SETD1B: variants seen among roughly 807,000 people sequenced by gnomAD.
The protein encoded by SETD1B is histone-lysine N-methyltransferase SETD1B.
A neutral mutation model predicts 148.0 loss-of-function variants in SETD1B; 7 were observed. The observed-to-expected ratio is 0.05, with a 90% CI of 0.03 to 0.09. The LOEUF (loss-of-function observed/expected upper bound fraction) is 0.09, where lower values mean the gene tolerates loss of function less well. Among genes scored for constraint, SETD1B ranks in the 10% least tolerant of loss-of-function variants. SETD1B has a pLI of 1.00. For synonymous variants in SETD1B, 1,361 were observed against 1,186.5 expected, an observed-to-expected ratio of 1.15 and a Z score of -3.02; for missense variants, 2,155 against 2,729.9, an observed-to-expected ratio of 0.79 and a Z score of 4.69.
intron 16 of SETD1B, among the ~76,000 whole-genome samples, chr12:121,829,111 C>T (rs1008064975): frequency 5.9e-5 from 9 of 151,570 alleles, no homozygotes; most frequent in African/African-American, 2.4e-5. Flanking sequence ...ATGGGGTGGG[C>T]AGGGCTGAGG....
In SETD1B at chr12:121,809,644, T is replaced by C; in HGVS notation, c.699T>C (p.Ser233=). Residue 233 remains serine, a synonymous_variant, in exon 6 of 17, where the codon TCT becomes TCC. Transcript: ENST00000604567. ...AGCGCCTCAAGGATGGAGGCCTGTCTGCAGGCTGTGGCTCCGGCTCCTCCT... is the reference window on the plus strand; with the variant it reads ...AGCGCCTCAAGGATGGAGGCCTGTCCGCAGGCTGTGGCTCCGGCTCCTCCT... ...ALKRLKDGGL[S]AGCGSGSSSV... 1 of 1,551,484 alleles carries C rather than the reference T, an allele frequency of 6.4e-7. No homozygotes were observed. Among genetic ancestry groups the C allele is most frequent in the Non-Finnish European group, 8.7e-7 (1 of 1,146,908 alleles).
chr12:121,791,866 T>C, the SETD1B span, among the ~76,000 whole-genome samples: 1 of 152,162 alleles, frequency 6.6e-6, no homozygotes, highest in African/African-American at 2.4e-5. Flanking sequence ...AAAAAGTGGG[T>C]CAATGACCTT....
At position 121,814,612 on chromosome 12, in the gene SETD1B, C is replaced by T. The variant is rs941817496; in HGVS notation, c.2397C>T (p.Ala799=). The change falls in exon 7 of 17, where the codon GCC becomes GCT. Residue 799 remains alanine, a synonymous_variant. Transcript: ENST00000604567. ...CCTGCCCCTACCCGCCCTTCATGGC[C>T]GCTGCGGCCGCCGCTGCCTCAGCTG... The part of the protein sequence containing the change: ...QGACPYPPFM[A]AAAAAASAGL... The T allele has an allele frequency of 1.4e-5, 21 of 1,542,016 alleles. No individual in the cohort carries two copies. Among genetic ancestry groups the T allele is most frequent in the East Asian group, 4.9e-5 (2 of 40,652 alleles).
chr12:121,809,562 A>C (rs746321379), intron 5 of SETD1B, 41 bp from the exon 6 acceptor site: 1 of 1,499,872 alleles, frequency 6.7e-7, no homozygotes, highest in Admixed American at 2.2e-5. Context: ...GTTCCATTGC[A>C]TGTTTTCCCC....
rs1398635972 is a variant in SETD1B at position 121,815,402 on chromosome 12, C to CA, written c.2715+472_2715+473insA. Among the ~76,000 whole-genome samples the CA allele has an allele frequency of 3.3e-5, 5 of 151,540 alleles. No homozygotes were observed. The South Asian group carries it at 1.0e-3, about 32-fold the overall frequency. ...ACAGGATAGCTGGTGCAGACTGCCCCCCCCGCCCATTGCAGACAGCTCACA... is the reference window on the plus strand; with the variant it reads ...ACAGGATAGCTGGTGCAGACTGCCCCACCCCGCCCATTGCAGACAGCTCACA... On this transcript the variant is annotated intron_variant, in intron 7 of 16. Coordinates refer to ENST00000604567, the MANE Select transcript of SETD1B (RefSeq NM_001353345.2).
chr12:121,793,157 G>C, the SETD1B span: 1 of 1,550,046 alleles, frequency 6.5e-7, no homozygotes, highest in Non-Finnish European at 8.7e-7. Context: ...CTCACCGGCC[G>C]TGTCGTAGAG....
In SETD1B at chr12:121,823,769, G is replaced by C. The variant is rs1342377019; in HGVS notation, c.5170+20G>C. ...ATCCCTATATCCTGCTGGCATGGGG[G>C]GCTCTGCACCTTCTGGGATGCAGGA... On this transcript the variant is annotated intron_variant, in intron 12 of 16. Coordinates refer to ENST00000604567, the MANE Select transcript of SETD1B (RefSeq NM_001353345.2). 1 of 1,526,684 alleles carries C rather than the reference G, an allele frequency of 6.6e-7. No homozygotes were observed. Among genetic ancestry groups the C allele is most frequent in the South Asian group, 1.2e-5 (1 of 82,376 alleles). 94.6% of individuals were successfully genotyped at this position (1,526,684 alleles called of 1,614,324 possible).
At chr12:121,790,220 C>A in the SETD1B span, among the ~76,000 whole-genome samples, 1 of 152,268 alleles carries the variant, frequency 6.6e-6, no homozygotes, top group South Asian at 2.1e-4. Flanking sequence ...AGCGTTTGGT[C>A]CTGGGTGTGG....
At chr12:121,816,939 A>T in intron 7 of SETD1B, 94 bp from the exon 8 acceptor site, 1 of 1,153,058 alleles carries the variant, frequency 8.7e-7, no homozygotes, top group Non-Finnish European at 1.2e-6. Context: ...GGTGGCTGTT[A>T]CTGCCGAGTG....
At chr12:121,793,450 T>C in the SETD1B span, 1 of 1,533,160 alleles carries the variant, frequency 6.5e-7, no homozygotes, top group South Asian at 1.2e-5. Context: ...GGGCTCAGGG[T>C]AAGGGGCGTC....
chr12:121,824,742 CAG>C (rs773134714), intron 12 of SETD1B, among the ~76,000 whole-genome samples: 6 of 151,828 alleles, frequency 4.0e-5, no homozygotes, highest in Non-Finnish European at 7.4e-5. Flanking sequence ...GGAAACTGAG[CAG>C]AAAGTTGTTA....
At chr12:121,793,859 CGG>C in the SETD1B span, 1 of 419,308 alleles carries the variant, frequency 2.4e-6, no homozygotes, top group South Asian at 5.4e-5. Flanking sequence ...ACCGGAAAAA[CGG>C]GGCTCAGCTG....
Position 121,814,314 on chromosome 12 carries a change from A to G in SETD1B, c.2099A>G (p.Gln700Arg). ...LPPPPPPPPP[Q>R]PGFPMPPPLP... The stretch of plus-strand genomic sequence containing the variant: ...CCCCCACCACCACCACCCCCACCGC[A>G]GCCTGGCTTCCCCATGCCCCCACCG... Residue 700 changes from glutamine (Q) to arginine (R), a missense_variant, in exon 7 of 17, where the codon CAG (glutamine) becomes CGG (arginine). Around this residue, in one of 11 missense-constraint regions of SETD1B, gnomAD observed 295 missense variants for 303.8 expected, o/e 0.97. Transcript: ENST00000604567. 1 of 628,430 alleles carries G rather than the reference A, an allele frequency of 1.6e-6. No individual in the cohort carries two copies. Among genetic ancestry groups the G allele is most frequent in the Non-Finnish European group, 2.0e-6 (1 of 510,100 alleles). 38.9% of individuals were successfully genotyped at this position (628,430 alleles called of 1,614,324 possible).
rs939426002 is a variant in SETD1B, at chr12:121,832,330, T to C, written c.*2091T>C. 6.5e-6 allele frequency: 1 copy of C among 153,682 alleles called. No homozygotes were observed. 9.5% of individuals were successfully genotyped at this position (153,682 alleles called of 1,614,324 possible). A position where few individuals can be genotyped will look rare whatever the true frequency, so the allele number is the denominator to read the frequency against. ...CAGGAGCCCCAGCCCCAGAGTGGTT[T>C]GCAATAATCAAGATATGTGTCGAGT... On this transcript the variant is annotated 3_prime_UTR_variant, in exon 17 of 17. Coordinates refer to ENST00000604567, the MANE Select transcript of SETD1B (RefSeq NM_001353345.2).
chr12:121,793,577 C>T, the SETD1B span: 2 of 1,553,138 alleles, frequency 1.3e-6, no homozygotes, highest in Non-Finnish European at 1.7e-6. Flanking sequence ...CGATCTTCAG[C>T]TCCTTCCTGC....
chr12:121,812,505 C>G (rs1332961079), intron 6 of SETD1B, among the ~76,000 whole-genome samples: 1 of 152,042 alleles, frequency 6.6e-6, no homozygotes, highest in African/African-American at 2.4e-5. Flanking sequence ...ACTCCCAGTT[C>G]TCAGCAAATT....
chr12:121,810,091 A>C lies in SETD1B; in HGVS notation c.1146A>C (p.Pro382=). The C allele has an allele frequency of 6.5e-7, 1 of 1,549,620 alleles. No homozygotes were observed. Among genetic ancestry groups the C allele is most frequent in the Non-Finnish European group, 8.7e-7 (1 of 1,146,814 alleles). Residue 382 remains proline (P), a synonymous_variant, in exon 6 of 17, where the codon CCA becomes CCC. Transcript: ENST00000604567. This position sits in a 1 kb window ranked among gnomAD's most constrained non-coding sequence, Gnocchi z 7.6. ...PQDSATFAHT[P]PPAQATPAPG... is the part of the protein sequence containing the mutation. The stretch of plus-strand genomic sequence containing the variant: ...ATTCAGCCACATTTGCCCACACTCC[A>C]CCACCCGCCCAAGCAACCCCTGCTC...
Position 121,805,069 on chromosome 12 carries a change from G to T in SETD1B, c.175-49G>T, listed in dbSNP as rs1276196958. The T allele has an allele frequency of 3.9e-6, 6 of 1,529,972 alleles. No individual in the cohort carries two copies. The highest frequency in any genetic ancestry group is 5.3e-6 in the Non-Finnish European group (6 of 1,127,858). 94.8% of individuals were successfully genotyped at this position (1,529,972 alleles called of 1,614,324 possible). Reference sequence around the variant, plus strand: ...GCCTCGAGAAAGGGGTCTGCCCATGGGGAGGGGGACCAGTTCTCTCATCCC... The same window carrying T: ...GCCTCGAGAAAGGGGTCTGCCCATGTGGAGGGGGACCAGTTCTCTCATCCC... On this transcript the variant is annotated intron_variant, in intron 2 of 16. Transcript: ENST00000604567. The surrounding 1 kb of genome is among the most constrained non-coding windows in gnomAD (Gnocchi z 4.2).
At position 121,823,116 on chromosome 12, in the gene SETD1B, C is replaced by T. The variant is rs1876655241; in HGVS notation, c.4537C>T (p.Pro1513Ser). 2.0e-6 allele frequency: 3 copies of T among 1,532,368 alleles called. No individual in the cohort carries two copies. Among genetic ancestry groups the T allele is most frequent in the Non-Finnish European group, 2.6e-6 (3 of 1,143,080 alleles). 94.9% of individuals were successfully genotyped at this position (1,532,368 alleles called of 1,614,324 possible). Reference sequence around the variant, plus strand: ...GCCCGCCCCCCTGGCCTCTTGCCCTCCCCCAATGAAGAGGAAGCCGGGCCG... The same window carrying T: ...GCCCGCCCCCCTGGCCTCTTGCCCTTCCCCAATGAAGAGGAAGCCGGGCCG... ...LLPAPLASCP[P>S]PMKRKPGRPR... is the part of the protein sequence containing the mutation. The change falls in exon 12 of 17, where the codon CCC (proline) becomes TCC (serine). Residue 1513 changes from proline to serine, a missense_variant. Pro to Ser is a moderately conservative substitution (Grantham distance 74, BLOSUM62 -1). Coordinates refer to ENST00000604567, the MANE Select transcript of SETD1B (RefSeq NM_001353345.2).
Sources: allele counts gnomAD v4.1 joint callset (sites outside exome capture counted in the v4.1 genomes callset), GRCh38; gene constraint gnomAD v4.1.1; regional missense constraint gnomAD v4.1.1; non-coding constraint Gnocchi (gnomAD v3.1); transcripts MANE v1.5; gene names NCBI Gene and HGNC (gene_info 2026-07-23, HGNC 2026-07-21).